The following GARIN1A variants were observed in gnomAD, a reference collection of about 807,000 sequenced individuals.
GARIN1A encodes golgi associated RAB2 interactor 1A.
the GARIN1A span, among the ~76,000 whole-genome samples, chr7:128,702,664 A>G: frequency 6.6e-6 from 1 of 152,250 alleles, no homozygotes; most frequent in African/African-American, 2.4e-5. Context: ...AATAGAAAAC[A>G]GTGATCAATA....
chr7:128,678,021 T>TC, the GARIN1A span: 1 of 290,514 alleles, frequency 3.4e-6, no homozygotes, highest in African/African-American at 2.4e-5. Flanking sequence ...GTTTCTTTTT[T>TC]TTTTTTTTTT....
chr7:128,687,566 G>A, the GARIN1A span: 1 of 152,178 alleles, frequency 6.6e-6, no homozygotes, highest in Non-Finnish European at 1.5e-5. Flanking sequence ...TTATCTGGTG[G>A]CTGATAATAA....
the GARIN1A span, among the ~76,000 whole-genome samples, chr7:128,699,470 A>G: frequency 8.9e-4 from 135 of 152,000 alleles, 1 homozygote; most frequent in Non-Finnish European, 9.6e-4. Flanking sequence ...GGATGCTTGC[A>G]CTCTCCTGAT....
the GARIN1A span, among the ~76,000 whole-genome samples, chr7:128,682,063 A>T: frequency 6.6e-6 from 1 of 151,906 alleles, no homozygotes; most frequent in South Asian, 2.1e-4. Context: ...TCATATTTTG[A>T]CCAGCCATTG....
At chr7:128,699,275 C>A in the GARIN1A span, among the ~76,000 whole-genome samples, 3 of 97,550 alleles carry the variant, frequency 3.1e-5, no homozygotes, top group Admixed American at 1.1e-4. Flanking sequence ...CCCCCCCCCA[C>A]CACCAAAAAC....
the GARIN1A span, among the ~76,000 whole-genome samples, chr7:128,674,188 T>C: frequency 1.3e-5 from 2 of 152,152 alleles, no homozygotes; most frequent in Non-Finnish European, 2.9e-5. Context: ...ATTAAAACTG[T>C]TTAGATTCTC....
chr7:128,692,749 T>G, the GARIN1A span, among the ~76,000 whole-genome samples: 6 of 152,214 alleles, frequency 3.9e-5, no homozygotes, highest in African/African-American at 1.4e-4. Flanking sequence ...AGGGCTTTAC[T>G]GTTGTAGGTG....
chr7:128,701,227 AGAAGT>A, the GARIN1A span, among the ~76,000 whole-genome samples: 19 of 150,164 alleles, frequency 1.3e-4, no homozygotes, highest in East Asian at 3.5e-3. Context: ...AACAAATGTT[AGAAGT>A]AAATGCTCGC....
chr7:128,680,089 C>G, the GARIN1A span: 3 of 1,582,208 alleles, frequency 1.9e-6, no homozygotes, highest in Non-Finnish European at 2.6e-6. Context: ...CTGCTGGCGG[C>G]TGAGCAGACC....
At chr7:128,675,759 C>T in the GARIN1A span, 1 of 1,613,868 alleles carries the variant, frequency 6.2e-7, no homozygotes, top group Non-Finnish European at 8.5e-7. Flanking sequence ...GCCCTCCCTG[C>T]CACTCCCCAA....
At chr7:128,679,031 C>A in the GARIN1A span, among the ~76,000 whole-genome samples, 3 of 150,116 alleles carry the variant, frequency 2.0e-5, no homozygotes, top group Non-Finnish European at 4.4e-5. Context: ...TACATATATA[C>A]GTATGTAACA....
chr7:128,694,584 C>T, the GARIN1A span, among the ~76,000 whole-genome samples: 5 of 151,772 alleles, frequency 3.3e-5, no homozygotes, highest in Non-Finnish European at 1.5e-5. Context: ...GGACTTTAGT[C>T]CACGTGTAAC....
the GARIN1A span, among the ~76,000 whole-genome samples, chr7:128,674,639 G>A: frequency 3.9e-5 from 6 of 152,064 alleles, no homozygotes; most frequent in South Asian, 6.2e-4. Context: ...CCTCAACAAG[G>A]GCTCCAAGAA....
At chr7:128,675,661 A>T in the GARIN1A span, 7 of 1,612,750 alleles carry the variant, frequency 4.3e-6, no homozygotes, top group East Asian at 1.6e-4. Flanking sequence ...CATGTACCTG[A>T]GGCTGATTTC....
the GARIN1A span, among the ~76,000 whole-genome samples, chr7:128,688,925 C>T: frequency 4.0e-5 from 6 of 149,630 alleles, no homozygotes; most frequent in Admixed American, 6.7e-5. Context: ...CTCAGCCTGC[C>T]GAGTGCCTGC....
the GARIN1A span, among the ~76,000 whole-genome samples, chr7:128,678,687 C>CT: frequency 8.9e-4 from 135 of 151,868 alleles, 3 homozygotes; most frequent in East Asian, 0.012. Context: ...CCCTATAATA[C>CT]TACTCAGGAA....
At chr7:128,688,728 A>C in the GARIN1A span, among the ~76,000 whole-genome samples, 3 of 134,062 alleles carry the variant, frequency 2.2e-5, no homozygotes, top group African/African-American at 2.9e-5. Context: ...CATTCTGTAG[A>C]ACCATCTTTT....
At chr7:128,675,544 C>G in the GARIN1A span, 1 of 860,336 alleles carries the variant, frequency 1.2e-6, no homozygotes, top group East Asian at 2.6e-5. Context: ...TGAAAAGGAT[C>G]AATAGCAGGT....
the GARIN1A span, chr7:128,672,658 C>CGG: frequency 8.6e-6 from 1 of 116,142 alleles, no homozygotes; most frequent in Non-Finnish European, 1.8e-5. Flanking sequence ...GAGGGGGGGG[C>CGG]GGGGGGACAA....
Sources: gnomAD v4.1 joint callset for allele counts (sites outside exome capture counted in the v4.1 genomes callset) on GRCh38, gnomAD v4.1.1 for gene constraint, MANE v1.5 for transcripts, NCBI Gene and HGNC (gene_info 2026-07-23, HGNC 2026-07-21) for gene names.